EPC1: variants seen among roughly 807,000 people sequenced by gnomAD.
EPC1 encodes the protein enhancer of polycomb homolog 1.
EPC1 carries 12 observed loss-of-function variants against 98.4 expected under a neutral mutation model. The observed-to-expected ratio is 0.12, with a 90% CI of 0.08 to 0.20. The LOEUF (loss-of-function observed/expected upper bound fraction) is 0.20. Ranked by LOEUF, EPC1 falls within the 10% of genes least tolerant of loss-of-function variation. The pLI is 1.00. For missense variants in EPC1, 729 were observed against 990.5 expected (o/e 0.74, Z 3.54); for synonymous variants, 357 against 363.9 (o/e 0.98, Z 0.21).
intron 1 of EPC1, among the ~76,000 whole-genome samples, chr10:32,360,397 T>C (rs1216757897): frequency 1.3e-5 from 2 of 152,196 alleles, no homozygotes; most frequent in Non-Finnish European, 2.9e-5. Context: ...CAAGGCCTCT[T>C]TGCACAGGTT....
At chr10:32,343,545 C>T (rs572110718) in intron 1 of EPC1, among the ~76,000 whole-genome samples, 13 of 152,340 alleles carry the variant, frequency 8.5e-5, no homozygotes, top group Admixed American at 2.6e-4. Flanking sequence ...AATTTCGATG[C>T]ATTACATTCT....
intron 1 of EPC1, among the ~76,000 whole-genome samples, chr10:32,358,558 T>C (rs971431810): frequency 3.5e-5 from 5 of 144,490 alleles, no homozygotes; most frequent in African/African-American, 1.0e-4. Context: ...GGTGGGAGGA[T>C]CACTTGAGCC....
chr10:32,272,010 A>C lies in EPC1; in HGVS notation c.2005+16T>G, dbSNP rs746735631. The C allele has an allele frequency of 6.2e-7, 1 of 1,604,530 alleles. No homozygotes were observed. Among genetic ancestry groups the C allele is most frequent in the South Asian group, 1.1e-5 (1 of 89,084 alleles). ...TATAAATATAACCCAAACAATTTAA[A>C]TGTCTTTATTCTTACCTGAGGCTGG... On this transcript the variant is annotated intron_variant, in intron 12 of 13. Coordinates refer to ENST00000319778, the MANE Select transcript of EPC1 (RefSeq NM_001272004.3).
chr10:32,351,255 G>A (rs1287321063), upstream of EPC1, among the ~76,000 whole-genome samples: 1 of 152,120 alleles, frequency 6.6e-6, no homozygotes, highest in South Asian at 2.1e-4. Context: ...CGAGTGTTTG[G>A]TTGTCAAGAC....
At chr10:32,287,424 G>C (rs1335163890) in intron 6 of EPC1, 150 bp from the exon 7 acceptor site, 2 of 768,544 alleles carry the variant, frequency 2.6e-6, no homozygotes, top group African/African-American at 3.5e-5. Flanking sequence ...CCATCTTATA[G>C]TGTAAAGTCT....
In EPC1 at chr10:32,271,626, A is replaced by G; in HGVS notation, c.2297T>C (p.Leu766Ser). Residue 766 changes from leucine to serine, a missense_variant, in exon 13 of 14, where the codon TTA becomes TCA. Transcript: ENST00000319778. The stretch of plus-strand genomic sequence containing the variant: ...ACAGTTTGCTGCAGCGGCCAGCTTT[A>G]AGGCAGATGATGGAACAGCACTTAA... ...RTLSAVPSSA[L>S]KLAAAANCQV... The G allele has an allele frequency of 6.2e-7, 1 of 1,614,190 alleles. No individual in the cohort carries two copies. Among genetic ancestry groups the G allele is most frequent in the Non-Finnish European group, 8.5e-7 (1 of 1,180,018 alleles).
intron 1 of EPC1, among the ~76,000 whole-genome samples, chr10:32,337,060 C>G (rs752724060): frequency 9.9e-5 from 15 of 152,166 alleles, no homozygotes; most frequent in Non-Finnish European, 7.4e-5. Flanking sequence ...AAACACTGAG[C>G]TTTATGTTGC....
upstream of EPC1, among the ~76,000 whole-genome samples, chr10:32,348,048 C>T (rs74128086): frequency 6.6e-6 from 1 of 152,242 alleles, no homozygotes; most frequent in African/African-American, 2.4e-5. Flanking sequence ...TTATATCTAG[C>T]TCATGATTCT....
At chr10:32,378,304 ATGAAAAAAAAAACTATTTTTTTT>A (rs1554826825) in intron 1 of EPC1, among the ~76,000 whole-genome samples, 1 of 70,916 alleles carries the variant, frequency 1.4e-5, no homozygotes, top group Non-Finnish European at 4.3e-5. Context: ...AGCTTTAACA[ATGAAAAAAAAAACTATTTTTTTT>A]TCTTTTGGTA....
chr10:32,364,001 CATTTTTTTTTTTTTTTTTTTT>C (rs1317165981), intron 1 of EPC1, among the ~76,000 whole-genome samples: 2 of 61,840 alleles, frequency 3.2e-5, no homozygotes, highest in Non-Finnish European at 6.1e-5. Context: ...ATCATGTTGG[CATTTTTTTTTTTTTTTTTTTT>C]TTTTTTTTTT....
At chr10:32,304,780 G>A (rs971633996) in intron 2 of EPC1, among the ~76,000 whole-genome samples, 2 of 151,912 alleles carry the variant, frequency 1.3e-5, no homozygotes, top group Non-Finnish European at 2.9e-5. Flanking sequence ...TTAGCTGGGC[G>A]TGGTGGCATG....
At chr10:32,373,712 G>A (rs1439455159) in intron 1 of EPC1, among the ~76,000 whole-genome samples, 1 of 152,110 alleles carries the variant, frequency 6.6e-6, no homozygotes, top group African/African-American at 2.4e-5. Flanking sequence ...ATGATGCCTG[G>A]GTCTGCAGCA....
chr10:32,295,026 T>C (rs1351993276), intron 2 of EPC1, among the ~76,000 whole-genome samples: 3 of 152,178 alleles, frequency 2.0e-5, no homozygotes, highest in Admixed American at 6.5e-5. Context: ...AGAATCCTTT[T>C]TTGATTTTTC....
At position 32,268,867 on chromosome 10, in the gene EPC1, A is replaced by G. The variant is rs891216408; in HGVS notation, c.*196T>C. 1 of 529,686 alleles carries G rather than the reference A, an allele frequency of 1.9e-6. No individual in the cohort carries two copies. The highest frequency in any genetic ancestry group is 3.4e-6 in the Non-Finnish European group (1 of 296,002). The allele number at this position is 529,686 out of a possible 1,614,324, so 32.8% of individuals were successfully genotyped here. ...CTGTACAGATAATTGCTGTATTCTT[A>G]ATTTACAGATGTTGATTTTTTTCCT... On this transcript the variant is annotated 3_prime_UTR_variant, in exon 14 of 14. Coordinates refer to ENST00000319778, the MANE Select transcript of EPC1 (RefSeq NM_001272004.3).
intron 2 of EPC1, among the ~76,000 whole-genome samples, chr10:32,297,523 G>A (rs1052260425): frequency 2.4e-4 from 37 of 151,980 alleles, no homozygotes; most frequent in African/African-American, 3.9e-4. Flanking sequence ...CAGACCTCAG[G>A]TGATCTGCCC....
At chr10:32,278,371 GTTTTTTTTT>G (rs58729377) in intron 10 of EPC1, among the ~76,000 whole-genome samples, 2 of 102,598 alleles carry the variant, frequency 1.9e-5, no homozygotes, top group Non-Finnish European at 3.8e-5. Context: ...GTTTTTTTTT[GTTTTTTTTT>G]TTTTGTTTTT....
intron 1 of EPC1, chr10:32,346,520 A>G (rs1838825687): frequency 1.9e-6 from 1 of 514,678 alleles, no homozygotes; most frequent in African/African-American, 2.0e-5. Flanking sequence ...CGGGCCCCCG[A>G]ACTCCGCGGG....
At chr10:32,340,998 G>A (rs369733639) in intron 1 of EPC1, among the ~76,000 whole-genome samples, 9 of 152,234 alleles carry the variant, frequency 5.9e-5, no homozygotes, top group Middle Eastern at 3.4e-3. Context: ...TACTCTAGTT[G>A]TCTCTGAAAG....
intron 2 of EPC1, among the ~76,000 whole-genome samples, chr10:32,301,351 G>A (rs1203423593): frequency 2.0e-5 from 3 of 152,134 alleles, no homozygotes; most frequent in Admixed American, 1.3e-4. Flanking sequence ...AAAGATGTCA[G>A]TTCTCTCTAA....
Sources: allele counts gnomAD v4.1 joint callset (sites outside exome capture counted in the v4.1 genomes callset), GRCh38; gene constraint gnomAD v4.1.1; transcripts MANE v1.5; gene names NCBI Gene and HGNC (gene_info 2026-07-23, HGNC 2026-07-21).